The following C1QC variants were observed in gnomAD, a reference collection of about 807,000 sequenced individuals.
C1QC encodes the protein complement C1q C chain, also known as complement C1q subcomponent subunit C.
C1QC carries 4 observed loss-of-function variants against 5.9 expected under a neutral mutation model. The ratio of observed to expected loss-of-function variants is 0.68; its 90% CI spans 0.33 to 1.55. C1QC has a LOEUF of 1.55. C1QC is among the 40% of genes most tolerant of loss of function. The pLI is 0.06. For synonymous variants in C1QC, 166 were observed against 153.8 expected (o/e 1.08, Z -0.59); for missense variants, 299 against 326.9 (o/e 0.91, Z 0.66).
At position 22,647,960 on chromosome 1, in the gene C1QC, T is replaced by G. The variant is rs1642406851; in HGVS notation, c.*177T>G. 9 of 778,450 alleles carry G rather than the reference T, an allele frequency of 1.2e-5. No homozygotes were observed. Among genetic ancestry groups the G allele is most frequent in the Non-Finnish European group, 1.8e-5 (9 of 504,270 alleles). 48.2% of individuals were successfully genotyped at this position (778,450 alleles called of 1,614,324 possible). Reference sequence around the variant, plus strand: ...CTGCACCCCCTCCCCATGGGTTCTCTCCTTCCTCTGAACTTCTTTAGGAGT... The same window carrying G: ...CTGCACCCCCTCCCCATGGGTTCTCGCCTTCCTCTGAACTTCTTTAGGAGT... On this transcript the variant is annotated 3_prime_UTR_variant, in exon 3 of 3. Transcript: ENST00000374640.
chr1:22,643,922 C>T (rs1194676805), intron 1 of C1QC, 89 bp from the exon 2 acceptor site: 13 of 1,456,790 alleles, frequency 8.9e-6, no homozygotes, highest in African/African-American at 1.4e-5. Flanking sequence ...GGCGAGCTCC[C>T]GAGGGCTGAG....
chr1:22,645,091 A>G (rs653286), intron 2 of C1QC, among the ~76,000 whole-genome samples: 90,920 of 151,866 alleles, frequency 0.6, 30,095 homozygotes, highest in African/African-American at 0.9. Context: ...TGACAGAGGC[A>G]GTGGAAAGGA....
chr1:22,647,927 C>G lies in C1QC; in HGVS notation c.*144C>G. The G allele has an allele frequency of 1.9e-6, 2 of 1,063,340 alleles. No individual in the cohort carries two copies. The highest frequency in any genetic ancestry group is 2.7e-6 in the Non-Finnish European group (2 of 738,478). The allele number at this position is 1,063,340 out of a possible 1,614,324, so 65.9% of individuals were successfully genotyped here. On this transcript the variant is annotated 3_prime_UTR_variant, in exon 3 of 3. Transcript: ENST00000374640. ...CTCCTCCAGGGAGCCCACCCTGACC[C>G]ACCCCCACTGCACCCCCTCCCCATG...
Position 22,644,094 on chromosome 1 carries a change from T to G in C1QC, c.71T>G (p.Leu24Arg). ...KLLLLLLLLP[L>R]RGQANTGCYG... The stretch of plus-strand genomic sequence containing the variant: ...CTGCTGCTCCTGCTGCTGCTGCCCC[T>G]CAGGGGCCAAGCCAACACAGGCTGC... Residue 24 changes from leucine (L) to arginine (R), a missense_variant, in exon 2 of 3, where the codon CTC becomes CGC. Physicochemically the swap from Leu to Arg is moderately radical, Grantham distance 102. Around this residue, in one of 3 missense-constraint regions of C1QC, gnomAD observed 146 missense variants for 144.1 expected, o/e 1.01. Coordinates refer to ENST00000374640, the MANE Select transcript of C1QC (RefSeq NM_172369.5). 1 of 1,579,134 alleles carries G rather than the reference T, an allele frequency of 6.3e-7. No homozygotes were observed. The highest frequency in any genetic ancestry group is 8.6e-7 in the Non-Finnish European group (1 of 1,163,342).
Position 22,647,614 on chromosome 1 carries a change from T to C in C1QC, c.569T>C (p.Val190Ala). The C allele has an allele frequency of 6.2e-7, 1 of 1,614,188 alleles. No individual in the cohort carries two copies. The highest frequency in any genetic ancestry group is 8.5e-7 in the Non-Finnish European group (1 of 1,180,042). ...VLLYRSGVKV[V>A]TFCGHTSKTN... ...CTGTACCGCAGCGGCGTCAAAGTGG[T>C]CACCTTCTGTGGCCACACGTCCAAA... The change falls in exon 3 of 3, where the codon GTC (valine) becomes GCC (alanine). Residue 190 changes from valine (V) to alanine (A), a missense_variant. Val to Ala is a moderately conservative substitution (Grantham distance 64, BLOSUM62 0). Coordinates refer to ENST00000374640, the MANE Select transcript of C1QC (RefSeq NM_172369.5).
In C1QC at chr1:22,647,246, G is replaced by A. The variant is rs1557605870; in HGVS notation, c.201G>A (p.Gly67=). 6.2e-7 allele frequency: 1 copy of A among 1,606,948 alleles called. No homozygotes were observed. The highest frequency in any genetic ancestry group is 1.7e-5 in the Admixed American group (1 of 60,008). The change falls in exon 3 of 3, where the codon GGG becomes GGA. Residue 67 remains glycine, a synonymous_variant. Coordinates refer to ENST00000374640, the MANE Select transcript of C1QC (RefSeq NM_172369.5). The part of the protein sequence containing the change: ...KGEPGIPAIP[G]IRGPKGQKGE... ...CTCCAGGAATCCCAGCCATTCCCGG[G>A]ATCCGAGGACCCAAAGGGCAGAAGG...
At chr1:22,643,740 A>ACCT (rs1642314730) in intron 1 of C1QC, 26 bp downstream of exon 1, 1 of 1,288,368 alleles carries the variant, frequency 7.8e-7, no homozygotes, top group Non-Finnish European at 9.8e-7. Context: ...CTGCCCAGGT[A>ACCT]TGGGCAGATG....
Position 22,647,309 on chromosome 1 carries a change from C to A in C1QC, c.264C>A (p.Gly88=), listed in dbSNP as rs766402754. ...PGLPGHPGKN[G]PMGPPGMPGV... ...TACCCGGCCATCCTGGGAAAAATGG[C>A]CCCATGGGACCCCCTGGGATGCCAG... The change falls in exon 3 of 3, where the codon GGC becomes GGA. Residue 88 remains glycine, a synonymous_variant. Transcript: ENST00000374640. The A allele has an allele frequency of 6.2e-7, 1 of 1,613,730 alleles. No homozygotes were observed. Among genetic ancestry groups the A allele is most frequent in the Non-Finnish European group, 8.5e-7 (1 of 1,179,946 alleles).
At position 22,647,531 on chromosome 1, in the gene C1QC, C is replaced by A; in HGVS notation, c.486C>A (p.Val162=). ...DTSTGKFTCK[V]PGLYYFVYHA... ...GCACTGGCAAGTTCACCTGCAAAGT[C>A]CCCGGCCTCTACTACTTTGTCTACC... Residue 162 remains valine, a synonymous_variant, in exon 3 of 3, where the codon GTC becomes GTA. Coordinates refer to ENST00000374640, the MANE Select transcript of C1QC (RefSeq NM_172369.5). 1 of 1,614,246 alleles carries A rather than the reference C, an allele frequency of 6.2e-7. No homozygotes were observed. Among genetic ancestry groups the A allele is most frequent in the Non-Finnish European group, 8.5e-7 (1 of 1,180,050 alleles).
rs1224349185 is a variant in C1QC at position 22,647,280 on chromosome 1, G to A, written c.235G>A (p.Gly79Ser). 3.1e-6 allele frequency: 5 copies of A among 1,612,452 alleles called. No individual in the cohort carries two copies. Among genetic ancestry groups the A allele is most frequent in the African/African-American group, 1.3e-5 (1 of 74,910 alleles). The change falls in exon 3 of 3, where the codon GGC (glycine) becomes AGC (serine). Residue 79 changes from glycine to serine, a missense_variant. Coordinates refer to ENST00000374640, the MANE Select transcript of C1QC (RefSeq NM_172369.5). ...RGPKGQKGEP[G>S]LPGHPGKNGP... Reference sequence around the variant, plus strand: ...ACCCAAAGGGCAGAAGGGAGAACCCGGCTTACCCGGCCATCCTGGGAAAAA... The same window carrying A: ...ACCCAAAGGGCAGAAGGGAGAACCCAGCTTACCCGGCCATCCTGGGAAAAA...
At chr1:22,646,651 A>T (rs887226919) in intron 2 of C1QC, among the ~76,000 whole-genome samples, 2 of 152,170 alleles carry the variant, frequency 1.3e-5, no homozygotes, top group African/African-American at 2.4e-5. Flanking sequence ...ATTTCAAAAT[A>T]AAAAAGTTGA....
Position 22,647,442 on chromosome 1 carries a change from G to C in C1QC, c.397G>C (p.Ala133Pro). The C allele has an allele frequency of 6.2e-7, 1 of 1,614,156 alleles. No individual in the cohort carries two copies. The highest frequency in any genetic ancestry group is 1.1e-5 in the South Asian group (1 of 91,090). Residue 133 changes from alanine to proline, a missense_variant, in exon 3 of 3, where the codon GCA (alanine) becomes CCA (proline). This residue lies in a region of C1QC where 144 missense variants were observed against 155.1 expected (regional missense o/e 0.93). Coordinates refer to ENST00000374640, the MANE Select transcript of C1QC (RefSeq NM_172369.5). Reference sequence around the variant, plus strand: ...CACTCGGCAGACCCACCAGCCCCCTGCACCCAACAGCCTGATCAGATTCAA... The same window carrying C: ...CACTCGGCAGACCCACCAGCCCCCTCCACCCAACAGCCTGATCAGATTCAA... ...TVTRQTHQPPAPNSLIRFNAV... is the reference protein window; with the variant it reads ...TVTRQTHQPPPPNSLIRFNAV...
chr1:22,645,458 T>G (rs1006551987), intron 2 of C1QC, among the ~76,000 whole-genome samples: 19 of 152,212 alleles, frequency 1.2e-4, no homozygotes, highest in African/African-American at 4.6e-4. Context: ...ATTGAGCAAC[T>G]TGTCCAAAGT....
In C1QC at chr1:22,647,718, T is replaced by G; in HGVS notation, c.673T>G (p.Tyr225Asp). The change falls in exon 3 of 3, where the codon TAC becomes GAC. Residue 225 changes from tyrosine (Y) to aspartate (D), a missense_variant. Physicochemically the swap from Tyr to Asp is radical, Grantham distance 160. This residue lies in a region of C1QC where 144 missense variants were observed against 155.1 expected (regional missense o/e 0.93). Coordinates refer to ENST00000374640, the MANE Select transcript of C1QC (RefSeq NM_172369.5). ...EEVWLAVNDY[Y>D]DMVGIQGSDS... ...GGTGTGGCTGGCTGTCAATGACTAC[T>G]ACGACATGGTGGGCATCCAGGGCTC... 6.2e-7 allele frequency: 1 copy of G among 1,602,566 alleles called. No homozygotes were observed.
Position 22,647,983 on chromosome 1 carries a change from A to T in C1QC, c.*200A>T. The T allele has an allele frequency of 1.7e-6, 1 of 595,858 alleles. No homozygotes were observed. The highest frequency in any genetic ancestry group is 2.8e-6 in the Non-Finnish European group (1 of 359,620). The allele number at this position is 595,858 out of a possible 1,614,324, so 36.9% of individuals were successfully genotyped here. ...TCTCCTTCCTCTGAACTTCTTTAGG[A>T]GTCACTGCTTGTGTGGTTCCTGGGA... On this transcript the variant is annotated 3_prime_UTR_variant, in exon 3 of 3. Transcript: ENST00000374640.
At chr1:22,646,187 A>G (rs1642366959) in intron 2 of C1QC, among the ~76,000 whole-genome samples, 1 of 152,180 alleles carries the variant, frequency 6.6e-6, no homozygotes, top group Non-Finnish European at 1.5e-5. Flanking sequence ...AAGTTGAACC[A>G]GGCCAGCTGT....
intron 1 of C1QC, 28 bp from the exon 2 acceptor site, chr1:22,643,983 G>A (rs748374465): frequency 1.0e-5 from 16 of 1,583,132 alleles, no homozygotes; most frequent in Admixed American, 7.0e-5. Flanking sequence ...AGGGGCTGGC[G>A]GGGACAGCTC....
In C1QC at chr1:22,645,394, T is replaced by C. The variant is rs188118301; in HGVS notation, c.181+1190T>C. On this transcript the variant is annotated intron_variant, in intron 2 of 2. Transcript: ENST00000374640. ...ATGATAAAACCGAGGCCACAATCCCTTGAAAAAGTGATTGACCCTCATTTT... is the reference window on the plus strand; with the variant it reads ...ATGATAAAACCGAGGCCACAATCCCCTGAAAAAGTGATTGACCCTCATTTT... Among the ~76,000 whole-genome samples the C allele has an allele frequency of 5.3e-5, 8 of 152,234 alleles. 1 individual carries two copies. Among genetic ancestry groups the C allele is most frequent in the Admixed American group, 2.0e-4 (3 of 15,304 alleles).
chr1:22,646,129 G>C (rs1045846752), intron 2 of C1QC, among the ~76,000 whole-genome samples: 1 of 152,192 alleles, frequency 6.6e-6, no homozygotes, highest in East Asian at 1.9e-4. Flanking sequence ...CTGGCTGCAC[G>C]GCCTTGGGCA....
Sources: gnomAD v4.1 joint callset for allele counts (sites outside exome capture counted in the v4.1 genomes callset) on GRCh38, gnomAD v4.1.1 for gene constraint, gnomAD v4.1.1 regional missense constraint, MANE v1.5 for transcripts, NCBI Gene and HGNC (gene_info 2026-07-23, HGNC 2026-07-21) for gene names.